MTUS1: variants seen among roughly 807,000 people sequenced by gnomAD.
MTUS1 encodes the protein microtubule associated scaffold protein 1, also known as microtubule-associated tumor suppressor 1.
MTUS1 carries 109 observed loss-of-function variants against 120.8 expected under a neutral mutation model. That is an observed-to-expected ratio of 0.90 (90% confidence interval 0.77 to 1.06). MTUS1 has a LOEUF of 1.06. Among genes scored for constraint, MTUS1 ranks in the 50% least tolerant of loss-of-function variants. The pLI, the probability that MTUS1 is intolerant of heterozygous loss-of-function variation, is 0.00. For missense variants in MTUS1, 2,210 were observed against 1,486.3 expected, an observed-to-expected ratio of 1.49 and a Z score of -8.01; for synonymous variants, 737 against 550.5, an observed-to-expected ratio of 1.34 and a Z score of -4.74.
At chr8:17,735,240 C>T (rs934874072) in intron 3 of MTUS1, among the ~76,000 whole-genome samples, 13 of 152,292 alleles carry the variant, frequency 8.5e-5, no homozygotes, top group East Asian at 5.8e-4. Flanking sequence ...TATTCTCCTC[C>T]GGAAAACTTC....
intron 3 of MTUS1, among the ~76,000 whole-genome samples, chr8:17,743,170 C>T (rs1234029495): frequency 6.6e-6 from 1 of 151,620 alleles, no homozygotes; most frequent in Non-Finnish European, 1.5e-5. Flanking sequence ...TTTTAGTCAC[C>T]CTCATATCCC....
intron 6 of MTUS1, among the ~76,000 whole-genome samples, chr8:17,691,115 C>A (rs575669179): frequency 2.6e-5 from 4 of 152,198 alleles, no homozygotes; most frequent in Admixed American, 6.5e-5. Context: ...ATGAAAAACA[C>A]TGCTATCCTT....
chr8:17,667,640 AG>A (rs1811180357), intron 8 of MTUS1, among the ~76,000 whole-genome samples: 1 of 152,242 alleles, frequency 6.6e-6, no homozygotes, highest in Admixed American at 6.5e-5. Flanking sequence ...TTCCAAAAGT[AG>A]CTATCAATGC....
At chr8:17,685,773 C>G (rs1815659986) in intron 6 of MTUS1, among the ~76,000 whole-genome samples, 1 of 152,168 alleles carries the variant, frequency 6.6e-6, no homozygotes, top group Non-Finnish European at 1.5e-5. Flanking sequence ...TGATAATTCT[C>G]AGTTCTAAAA....
At chr8:17,720,250 C>T (rs2045725384) in intron 4 of MTUS1, among the ~76,000 whole-genome samples, 1 of 151,676 alleles carries the variant, frequency 6.6e-6, no homozygotes, top group Non-Finnish European at 1.5e-5. Flanking sequence ...GAGGTTCAGA[C>T]AGGAGAATTG....
At chr8:17,646,831 A>G in intron 14 of MTUS1, 151 bp downstream of exon 14, 1 of 630,454 alleles carries the variant, frequency 1.6e-6, no homozygotes, top group East Asian at 2.8e-5. Flanking sequence ...GAACTACTAC[A>G]ATCATATTTT....
At chr8:17,800,220 T>C (rs2052571109) in intron 1 of MTUS1, among the ~76,000 whole-genome samples, 10 of 152,136 alleles carry the variant, frequency 6.6e-5, no homozygotes, top group Admixed American at 6.5e-4. Context: ...TGAAATTCAC[T>C]GGTAACACCC....
chr8:17,677,487 G>A (rs1262966885), intron 7 of MTUS1, among the ~76,000 whole-genome samples: 2 of 152,138 alleles, frequency 1.3e-5, no homozygotes, highest in South Asian at 2.1e-4. Flanking sequence ...CTAATGGGAG[G>A]ATGAAAGAAA....
chr8:17,695,066 C>T (rs913545958), intron 6 of MTUS1, among the ~76,000 whole-genome samples: 7 of 152,170 alleles, frequency 4.6e-5, no homozygotes, highest in South Asian at 2.1e-4. Flanking sequence ...GATACCAACC[C>T]AAGTTACTGC....
At chr8:17,728,205 G>A (rs966838128) in intron 3 of MTUS1, among the ~76,000 whole-genome samples, 13 of 152,156 alleles carry the variant, frequency 8.5e-5, no homozygotes, top group African/African-American at 3.1e-4. Flanking sequence ...AGATGAATAC[G>A]TCCTACAGAT....
chr8:17,682,403 A>G (rs1231471303), intron 7 of MTUS1, among the ~76,000 whole-genome samples: 2 of 151,720 alleles, frequency 1.3e-5, no homozygotes, highest in Non-Finnish European at 2.9e-5. Context: ...CTGTAATCCC[A>G]GCTATTCGGG....
chr8:17,676,021 G>C lies in MTUS1; in HGVS notation c.2839-769C>G, dbSNP rs79700819. ...AGTAATTACATACAGTTCCTTAAAAGGTAGATTCCCTAGCACCAGGGAGTA... is the reference window on the plus strand; with the variant it reads ...AGTAATTACATACAGTTCCTTAAAACGTAGATTCCCTAGCACCAGGGAGTA... On this transcript the variant is annotated intron_variant, in intron 7 of 14. Coordinates refer to ENST00000693296, the MANE Select transcript of MTUS1 (RefSeq NM_001363059.2). 3.1e-3 allele frequency: 1,630 copies of C among 528,506 alleles called. 16 individuals carry two copies. The highest frequency in any genetic ancestry group is 0.023 in the East Asian group (713 of 31,556). The allele number at this position is 528,506 out of a possible 1,614,324, so 32.7% of individuals were successfully genotyped here. A position where few individuals can be genotyped will look rare whatever the true frequency, so the allele number is the denominator to read the frequency against.
At chr8:17,674,593 G>A (rs1275336465) in intron 8 of MTUS1, 1 of 985,642 alleles carries the variant, frequency 1.0e-6, no homozygotes, top group Admixed American at 6.2e-5. Context: ...TGCAGGGCTG[G>A]GTGGTGGGTG....
intron 6 of MTUS1, among the ~76,000 whole-genome samples, chr8:17,693,908 T>G (rs1264015180): frequency 6.6e-6 from 1 of 152,164 alleles, no homozygotes; most frequent in Non-Finnish European, 1.5e-5. Flanking sequence ...AATGAATTAA[T>G]CTGTAATGTG....
At chr8:17,737,970 G>A (rs1032473932) in intron 3 of MTUS1, among the ~76,000 whole-genome samples, 6 of 152,040 alleles carry the variant, frequency 3.9e-5, no homozygotes, top group South Asian at 2.1e-4. Context: ...AACACGAAAT[G>A]AATGAAAAAA....
At chr8:17,773,856 G>A (rs1247883891) in intron 1 of MTUS1, among the ~76,000 whole-genome samples, 1 of 94,940 alleles carries the variant, frequency 1.1e-5, no homozygotes, top group Non-Finnish European at 2.3e-5. Context: ...AACCAGCTTG[G>A]ACACAGATCT....
At chr8:17,681,880 C>T (rs2410499) in intron 7 of MTUS1, among the ~76,000 whole-genome samples, 103,236 of 151,842 alleles carry the variant, frequency 0.68, 35,466 homozygotes, top group East Asian at 0.96. Context: ...ATTTTAATAA[C>T]GTATTTTATT....
chr8:17,792,147 A>G (rs561852501), intron 1 of MTUS1, among the ~76,000 whole-genome samples: 7 of 152,204 alleles, frequency 4.6e-5, no homozygotes, highest in African/African-American at 1.7e-4. Context: ...GTATGTCCCC[A>G]GGGTTTCATA....
chr8:17,693,894 A>C, intron 6 of MTUS1, among the ~76,000 whole-genome samples: 1 of 152,186 alleles, frequency 6.6e-6, no homozygotes, highest in South Asian at 2.1e-4. Flanking sequence ...TTCTTTATGA[A>C]ACGAATGAAT....
Sources: gnomAD v4.1 joint callset for allele counts (sites outside exome capture counted in the v4.1 genomes callset) on GRCh38, gnomAD v4.1.1 for gene constraint, MANE v1.5 for transcripts, NCBI Gene and HGNC (gene_info 2026-07-23, HGNC 2026-07-21) for gene names.